RYR3: variants seen among roughly 807,000 people sequenced by gnomAD.
RYR3 encodes the protein ryanodine receptor 3, also known as brain ryanodine receptor-calcium release channel.
In RYR3, 207 loss-of-function variants were observed where a neutral mutation model predicts 584.3. The ratio of observed to expected loss-of-function variants is 0.35; its 90% CI spans 0.32 to 0.40. RYR3 has a LOEUF of 0.40. Among genes scored for constraint, RYR3 ranks in the 10% least tolerant of loss-of-function variants. The pLI is 1.00. For synonymous variants in RYR3, 2,416 were observed against 2,248.5 expected, an observed-to-expected ratio of 1.07 and a Z score of -2.11; for missense variants, 5,616 against 6,089.2, an observed-to-expected ratio of 0.92 and a Z score of 2.59.
chr15:33,530,927 C>G (rs1267085338), intron 4 of RYR3, among the ~76,000 whole-genome samples: 2 of 152,084 alleles, frequency 1.3e-5, no homozygotes, highest in Non-Finnish European at 2.9e-5. Flanking sequence ...TCTTATTTTG[C>G]TAGACCTATA....
chr15:33,542,598 A>G (rs1434689672), intron 7 of RYR3, among the ~76,000 whole-genome samples: 1 of 152,268 alleles, frequency 6.6e-6, no homozygotes, highest in African/African-American at 2.4e-5. Context: ...AACTCATAAC[A>G]GACTGTCACT....
chr15:33,393,780 G>T (rs2042141421), intron 1 of RYR3, among the ~76,000 whole-genome samples: 1 of 152,132 alleles, frequency 6.6e-6, no homozygotes, highest in Non-Finnish European at 1.5e-5. Flanking sequence ...TCACAATCTT[G>T]GACCCTTGGG....
At chr15:33,788,098 C>G in intron 66 of RYR3, 120 bp from the exon 67 acceptor site, 1 of 1,256,600 alleles carries the variant, frequency 8.0e-7, no homozygotes, top group Non-Finnish European at 1.1e-6. Context: ...AGGAAGGGAA[C>G]AAGGGGCAGG....
chr15:33,845,090 T>A, intron 93 of RYR3, 28 bp downstream of exon 93: 1 of 1,610,396 alleles, frequency 6.2e-7, no homozygotes, highest in Non-Finnish European at 8.5e-7. Flanking sequence ...CTGGATCTAA[T>A]CTCACTCCTT....
In RYR3 at chr15:33,634,380, A is replaced by G. The variant is rs1419487023; in HGVS notation, c.3028-206A>G. On this transcript the variant is annotated intron_variant, in intron 24 of 103. Coordinates refer to ENST00000634891, the MANE Select transcript of RYR3 (RefSeq NM_001036.6). ...GTGTTTTTTAATGCTAGCTTTGAGC[A>G]TTAGTAAAATGTTTCCATTTATACT... 2.6e-5 allele frequency among the ~76,000 whole-genome samples: 4 copies of G among 152,200 alleles called. No individual in the cohort carries two copies. In the East Asian group the frequency reaches 7.7e-4, roughly 29 times the overall value.
intron 60 of RYR3, among the ~76,000 whole-genome samples, chr15:33,763,957 A>G (rs1285428584): frequency 6.7e-6 from 1 of 148,392 alleles, no homozygotes; most frequent in African/African-American, 2.5e-5. Context: ...GTGGAGAAAT[A>G]GGAATGCTTT....
chr15:33,617,324 AT>A (rs547879665), intron 19 of RYR3, among the ~76,000 whole-genome samples: 527 of 152,140 alleles, frequency 3.5e-3, no homozygotes, highest in Non-Finnish European at 5.0e-3. Context: ...AGGCAGGAGA[AT>A]GGCGTGAACC....
chr15:33,380,284 C>G (rs2041087359), intron 1 of RYR3, among the ~76,000 whole-genome samples: 1 of 152,168 alleles, frequency 6.6e-6, no homozygotes, highest in Non-Finnish European at 1.5e-5. Context: ...TAAAGGGGCT[C>G]CCAGTGCCTC....
chr15:33,675,654 A>C (rs1293332460), intron 38 of RYR3, among the ~76,000 whole-genome samples: 2 of 152,206 alleles, frequency 1.3e-5, no homozygotes, highest in South Asian at 2.1e-4. Context: ...TGGCATATAC[A>C]TACTTACCTC....
At position 33,749,058 on chromosome 15, in the gene RYR3, A is replaced by C. The variant is rs574808254; in HGVS notation, c.8199+528A>C. Among the ~76,000 whole-genome samples, 6 of 152,306 alleles carry C rather than the reference A, an allele frequency of 3.9e-5. No individual in the cohort carries two copies. In the South Asian group the frequency reaches 1.2e-3, roughly 32 times the overall value. ...AGTACAGACACATTTTTTTCCAAAT[A>C]TTTTCAAGCTACAATTGGTTGAATC... is the stretch of plus-strand genomic sequence containing the variant. On this transcript the variant is annotated intron_variant, in intron 55 of 103. Transcript: ENST00000634891.
intron 1 of RYR3, among the ~76,000 whole-genome samples, chr15:33,425,431 T>TG (rs1377881888): frequency 6.6e-6 from 1 of 152,130 alleles, no homozygotes; most frequent in Non-Finnish European, 1.5e-5. Flanking sequence ...CATGTAGTCC[T>TG]GACTCAGCTT....
chr15:33,824,004 T>C (rs1428695827), intron 81 of RYR3, among the ~76,000 whole-genome samples: 1 of 152,136 alleles, frequency 6.6e-6, no homozygotes, highest in Non-Finnish European at 1.5e-5. Flanking sequence ...TTCTTTAGTC[T>C]CAGCTCTGTG....
intron 1 of RYR3, among the ~76,000 whole-genome samples, chr15:33,334,742 A>T (rs896675700): frequency 1.3e-5 from 2 of 152,128 alleles, no homozygotes; most frequent in African/African-American, 4.8e-5. Context: ...TAAACAGACA[A>T]CCTACAGAAT....
intron 1 of RYR3, among the ~76,000 whole-genome samples, chr15:33,342,078 C>T (rs975609274): frequency 1.6e-4 from 24 of 152,158 alleles, no homozygotes; most frequent in African/African-American, 3.6e-4. Flanking sequence ...AGAGAATCAA[C>T]ATGGAAGTGG....
chr15:33,539,138 T>C, intron 5 of RYR3: 2 of 420,424 alleles, frequency 4.8e-6, no homozygotes, highest in Non-Finnish European at 8.7e-6. Context: ...TACACTGTTT[T>C]TCTGTCTCTA....
In RYR3 at chr15:33,563,006, G is replaced by T. The variant is rs762836230; in HGVS notation, c.1142G>T (p.Arg381Ile). Residue 381 changes from arginine to isoleucine, a missense_variant, in exon 11 of 104, where the codon AGA (arginine) becomes ATA (isoleucine). Arg to Ile is a moderately conservative substitution (Grantham distance 97). Around this residue, in one of 9 missense-constraint regions of RYR3, gnomAD observed 1,284 missense variants for 1,344.6 expected, o/e 0.95. Coordinates refer to ENST00000634891, the MANE Select transcript of RYR3 (RefSeq NM_001036.6). ...AKTSRLGPLKRKVILHQEGHM... is the reference protein window; with the variant it reads ...AKTSRLGPLKIKVILHQEGHM... ...ACTTCCCGCCTGGGACCTCTAAAAA[G>T]AAAGGTGAGAGTCAGAATATCTGTC... 1.9e-6 allele frequency: 3 copies of T among 1,608,102 alleles called. No individual in the cohort carries two copies. In the African/African-American group the frequency reaches 4.0e-5, roughly 22 times the overall value.
At chr15:33,685,287 G>C (rs190599943) in intron 38 of RYR3, among the ~76,000 whole-genome samples, 2 of 152,134 alleles carry the variant, frequency 1.3e-5, no homozygotes, top group African/African-American at 4.8e-5. Flanking sequence ...AAAAGCAGGG[G>C]TTGCAATCCT....
intron 32 of RYR3, among the ~76,000 whole-genome samples, chr15:33,658,307 T>G (rs1200030796): frequency 3.3e-5 from 5 of 152,206 alleles, no homozygotes; most frequent in Non-Finnish European, 5.9e-5. Context: ...CAGGGGCCAC[T>G]CTCCCCGCCT....
chr15:33,795,304 G>A (rs554443262), intron 67 of RYR3, among the ~76,000 whole-genome samples: 356 of 152,148 alleles, frequency 2.3e-3, no homozygotes, highest in Non-Finnish European at 3.8e-3. Flanking sequence ...TGTGCTCAGT[G>A]GGGGACACAT....
Sources: gnomAD v4.1 joint callset for allele counts (sites outside exome capture counted in the v4.1 genomes callset) on GRCh38, gnomAD v4.1.1 for gene constraint, gnomAD v4.1.1 regional missense constraint, MANE v1.5 for transcripts, NCBI Gene and HGNC (gene_info 2026-07-23, HGNC 2026-07-21) for gene names.